Variants in IPO11 observed in about 807,000 individuals in gnomAD.
IPO11 encodes importin 11, also known as importin-11.
A neutral mutation model predicts 143.2 loss-of-function variants in IPO11; 66 were observed. That is an observed-to-expected ratio of 0.46 (90% CI 0.38 to 0.57). The LOEUF (loss-of-function observed/expected upper bound fraction) is 0.57, where lower values mean the gene tolerates loss of function less well. Ranked by LOEUF, IPO11 falls within the 20% of genes least tolerant of loss-of-function variation. The pLI is 0.00. For missense variants in IPO11, 1,026 were observed against 1,141.0 expected (o/e 0.90, Z 1.45); for synonymous variants, 385 against 377.8 (o/e 1.02, Z -0.22).
At chr5:62,587,483 CT>C (rs369313256) in intron 27 of IPO11, among the ~76,000 whole-genome samples, 27 of 146,264 alleles carry the variant, frequency 1.8e-4, no homozygotes, top group East Asian at 2.0e-4. Context: ...TAGGGGAAAA[CT>C]TTTTTTTTTT....
chr5:62,534,405 T>C (rs1742666858), intron 22 of IPO11, among the ~76,000 whole-genome samples: 2 of 152,164 alleles, frequency 1.3e-5, no homozygotes, highest in Non-Finnish European at 2.9e-5. Context: ...CATAATTTAA[T>C]AATTCACTCC....
rs1554047231 is a variant in IPO11 at position 62,435,178 on chromosome 5, ATG to A, written c.-6-2094_-6-2093del. 9.6e-4 allele frequency among the ~76,000 whole-genome samples: 73 copies of A among 75,944 alleles called. 3 individuals are homozygous for A. The highest frequency in any genetic ancestry group is 3.5e-3 in the African/African-American group (69 of 19,702). The allele number at this position is 75,944 out of a possible 152,430, so 49.8% of individuals were successfully genotyped here. A position where few individuals can be genotyped will look rare whatever the true frequency, so the allele number is the denominator to read the frequency against. ...TATATATATGTATATATATGTATAT[ATG>A]TATATATATGTATATATATGTATAT... On this transcript the variant is annotated intron_variant, in intron 1 of 29. Coordinates refer to ENST00000325324, the MANE Select transcript of IPO11 (RefSeq NM_016338.5).
At chr5:62,605,232 G>GT (rs1561384054) in intron 29 of IPO11, among the ~76,000 whole-genome samples, 1 of 152,184 alleles carries the variant, frequency 6.6e-6, no homozygotes, top group Non-Finnish European at 1.5e-5. Flanking sequence ...TGGTGTCTGT[G>GT]TTTCAGCAGC....
chr5:62,490,452 C>T (rs1036772333), intron 15 of IPO11, among the ~76,000 whole-genome samples: 4 of 152,078 alleles, frequency 2.6e-5, no homozygotes, highest in African/African-American at 9.7e-5. Context: ...GGATGGAGGT[C>T]TCTGAGTTCA....
At chr5:62,601,136 A>G (rs1745492115) in intron 28 of IPO11, 1 of 152,234 alleles carries the variant, frequency 6.6e-6, no homozygotes, top group Non-Finnish European at 1.5e-5. Flanking sequence ...AGTTTGATTC[A>G]CTAGACAGTG....
In IPO11 at chr5:62,535,227, G is replaced by A. The variant is rs74842028; in HGVS notation, c.2090-1475G>A. 2.4e-4 allele frequency among the ~76,000 whole-genome samples: 37 copies of A among 151,578 alleles called. No individual in the cohort carries two copies. In the East Asian group the frequency reaches 7.2e-3, roughly 29 times the overall value. The stretch of plus-strand genomic sequence containing the variant: ...TTTATATCAAGTCTTCTTAAATGTT[G>A]GTTTTTTTTTAAACATTGATTTTGA... On this transcript the variant is annotated intron_variant, in intron 22 of 29. Transcript: ENST00000325324.
intron 1 of IPO11, among the ~76,000 whole-genome samples, chr5:62,413,893 A>G (rs943062904): frequency 1.3e-5 from 2 of 152,256 alleles, no homozygotes; most frequent in Non-Finnish European, 2.9e-5. Flanking sequence ...CATGACACAT[A>G]TTACATCTTT....
At chr5:62,523,487 A>G (rs1328858935) in intron 20 of IPO11, among the ~76,000 whole-genome samples, 3 of 152,114 alleles carry the variant, frequency 2.0e-5, no homozygotes, top group Admixed American at 2.0e-4. Flanking sequence ...ACTAGTTTGG[A>G]AGTGGGTAAA....
intron 24 of IPO11, among the ~76,000 whole-genome samples, chr5:62,539,048 A>G (rs1456675759): frequency 6.6e-6 from 1 of 152,212 alleles, no homozygotes; most frequent in East Asian, 1.9e-4. Context: ...ATTAAATTAT[A>G]GATTGATGAG....
At chr5:62,568,950 C>G (rs1017773607) in intron 27 of IPO11, among the ~76,000 whole-genome samples, 4 of 152,220 alleles carry the variant, frequency 2.6e-5, no homozygotes, top group African/African-American at 9.7e-5. Context: ...GTGGATACTG[C>G]AGCCATTTTA....
intron 20 of IPO11, among the ~76,000 whole-genome samples, chr5:62,518,161 T>C: frequency 7.0e-6 from 1 of 142,410 alleles, no homozygotes; most frequent in African/African-American, 2.6e-5. Context: ...AAAAAAAAAA[T>C]TTGGCCAGGC....
chr5:62,482,176 TTTC>T (rs1195599519), intron 9 of IPO11, among the ~76,000 whole-genome samples: 4 of 152,146 alleles, frequency 2.6e-5, no homozygotes, highest in Non-Finnish European at 5.9e-5. Flanking sequence ...ATTCTTCTCT[TTTC>T]TTCTTTATTA....
At chr5:62,437,822 GT>G (rs1009925539) in intron 2 of IPO11, among the ~76,000 whole-genome samples, 13 of 152,118 alleles carry the variant, frequency 8.5e-5, no homozygotes, top group Non-Finnish European at 1.8e-4. Flanking sequence ...ACTTTAAAAT[GT>G]TTTCTTTTCT....
Position 62,487,905 on chromosome 5 carries a change from G to A in IPO11, c.1309+44G>A, listed in dbSNP as rs373907511. On this transcript the variant is annotated intron_variant, in intron 13 of 29. Transcript: ENST00000325324. The stretch of plus-strand genomic sequence containing the variant: ...TTAACTTTGAGTTAATCTCTTTAAC[G>A]TTTAGTTAAGAAATAGTCTGAGTGC... The A allele has an allele frequency of 2.6e-5, 40 of 1,515,038 alleles. No individual in the cohort carries two copies. The African/African-American group carries it at 5.0e-4, about 19-fold the overall frequency. The allele number at this position is 1,515,038 out of a possible 1,614,324, so 93.8% of individuals were successfully genotyped here.
chr5:62,562,909 G>T (rs938479401), intron 27 of IPO11, among the ~76,000 whole-genome samples: 3 of 152,130 alleles, frequency 2.0e-5, no homozygotes, highest in Admixed American at 6.5e-5. Context: ...AGCCCGATGA[G>T]GTATAGACAT....
intron 19 of IPO11, among the ~76,000 whole-genome samples, chr5:62,511,026 G>A (rs1304326164): frequency 1.3e-5 from 2 of 152,108 alleles, no homozygotes; most frequent in Non-Finnish European, 1.5e-5. Context: ...GAACCACTGC[G>A]CCTGGCCTCT....
intron 8 of IPO11, among the ~76,000 whole-genome samples, chr5:62,475,363 A>G (rs570899595): frequency 7.9e-5 from 12 of 152,284 alleles, no homozygotes; most frequent in South Asian, 4.1e-4. Context: ...TCTACAAAAA[A>G]TATTAAAAAG....
intron 1 of IPO11, among the ~76,000 whole-genome samples, chr5:62,426,931 G>GTTTTTTTTT (rs763031944): frequency 8.2e-4 from 74 of 90,250 alleles, no homozygotes; most frequent in East Asian, 1.7e-3. Context: ...TTTTCTTTCT[G>GTTTTTTTTT]TTTTTTTTTT....
intron 29 of IPO11, among the ~76,000 whole-genome samples, chr5:62,610,358 C>A (rs1057358413): frequency 2.6e-5 from 4 of 152,038 alleles, no homozygotes; most frequent in Admixed American, 1.3e-4. Flanking sequence ...AAAAAGCCAG[C>A]TATATATTGA....
Sources: allele counts gnomAD v4.1 joint callset (sites outside exome capture counted in the v4.1 genomes callset), GRCh38; gene constraint gnomAD v4.1.1; transcripts MANE v1.5; gene names NCBI Gene and HGNC (gene_info 2026-07-23, HGNC 2026-07-21).